RPS6KC1: variants seen among roughly 807,000 people sequenced by gnomAD.
The protein encoded by RPS6KC1 is ribosomal protein S6 kinase C1, also known as inactive ribosomal protein S6 kinase delta-1.
In RPS6KC1, 54 loss-of-function variants were observed where a neutral mutation model predicts 103.8. The ratio of observed to expected loss-of-function variants is 0.52; its 90% confidence interval spans 0.42 to 0.65. The LOEUF is 0.65. Ranked by LOEUF, RPS6KC1 falls within the 30% of genes least tolerant of loss-of-function variation. RPS6KC1 has a pLI of 0.00. For missense variants in RPS6KC1, 1,151 were observed against 1,253.8 expected (o/e 0.92, Z 1.24); for synonymous variants, 439 against 438.7 (o/e 1.00, Z -0.01).
chr1:213,151,103 G>T (rs569344367), intron 6 of RPS6KC1, among the ~76,000 whole-genome samples: 5 of 144,998 alleles, frequency 3.4e-5, no homozygotes, highest in Non-Finnish European at 7.6e-5. Flanking sequence ...CGGATGGGGG[G>T]GCTGGCTGGG....
intron 12 of RPS6KC1, among the ~76,000 whole-genome samples, chr1:213,259,715 T>C (rs1225409177): frequency 1.3e-5 from 2 of 151,364 alleles, no homozygotes; most frequent in African/African-American, 4.8e-5. Flanking sequence ...CTTAAGTATA[T>C]GTAGGTGTTG....
At chr1:213,831,905 G>A in the RPS6KC1 span, among the ~76,000 whole-genome samples, 11 of 152,240 alleles carry the variant, frequency 7.2e-5, no homozygotes, top group South Asian at 8.3e-4. Context: ...CTTCCTCTGC[G>A]CTAGGTCCTT....
chr1:213,163,066 A>C (rs1484292290), intron 6 of RPS6KC1, among the ~76,000 whole-genome samples: 1 of 152,228 alleles, frequency 6.6e-6, no homozygotes, highest in African/African-American at 2.4e-5. Flanking sequence ...ATAAGGCAGA[A>C]ATGGTAGGCT....
the RPS6KC1 span, among the ~76,000 whole-genome samples, chr1:213,744,556 C>CT: frequency 2.0e-5 from 3 of 152,162 alleles, no homozygotes; most frequent in African/African-American, 7.2e-5. Flanking sequence ...GCTGTGTAGC[C>CT]TTTTTTTGTT....
At chr1:213,375,195 A>T in the RPS6KC1 span, among the ~76,000 whole-genome samples, 2 of 152,112 alleles carry the variant, frequency 1.3e-5, no homozygotes, top group East Asian at 3.9e-4. Context: ...ATGTACATAC[A>T]CATATACACA....
chr1:213,678,115 C>A, the RPS6KC1 span, among the ~76,000 whole-genome samples: 1 of 152,114 alleles, frequency 6.6e-6, no homozygotes, highest in Non-Finnish European at 1.5e-5. Context: ...GGCTATCAAC[C>A]ATTTTTTGCT....
intron 8 of RPS6KC1, among the ~76,000 whole-genome samples, chr1:213,203,932 G>A (rs1048348473): frequency 2.0e-5 from 3 of 152,150 alleles, no homozygotes; most frequent in Non-Finnish European, 4.4e-5. Context: ...ATTTCTGAGA[G>A]CATGGTCTCA....
At position 213,129,711 on chromosome 1, in the gene RPS6KC1, A is replaced by G; in HGVS notation, c.657A>G (p.Glu219=). ...GTGAACAGAGCAAAACAGAAGAAGA[A>G]CGGGAAAGTCGTAGCCTCTTTCCTG... ...SDSEQSKTEE[E]RESRSLFPGS... The change falls in exon 6 of 15, where the codon GAA becomes GAG. Residue 219 remains glutamate (E), a synonymous_variant. Coordinates refer to ENST00000366960, the MANE Select transcript of RPS6KC1 (RefSeq NM_012424.6). 6.2e-7 allele frequency: 1 copy of G among 1,614,096 alleles called. No homozygotes were observed. The highest frequency in any genetic ancestry group is 8.5e-7 in the Non-Finnish European group (1 of 1,179,982).
the RPS6KC1 span, among the ~76,000 whole-genome samples, chr1:213,846,028 C>T: frequency 4.0e-5 from 6 of 151,476 alleles, no homozygotes; most frequent in Non-Finnish European, 8.8e-5. Context: ...CGGGGTGGCT[C>T]ACACCCGTAA....
the RPS6KC1 span, among the ~76,000 whole-genome samples, chr1:213,493,843 T>A: frequency 6.6e-6 from 1 of 152,132 alleles, no homozygotes; most frequent in South Asian, 2.1e-4. Flanking sequence ...TAGAGAGAAG[T>A]GTGTGCTGGA....
At chr1:213,344,761 C>T in the RPS6KC1 span, among the ~76,000 whole-genome samples, 13 of 152,150 alleles carry the variant, frequency 8.5e-5, no homozygotes, top group South Asian at 6.2e-4. Flanking sequence ...TTTTGAACTC[C>T]GGACCTCAAG....
the RPS6KC1 span, among the ~76,000 whole-genome samples, chr1:213,363,703 C>CCTTCT: frequency 2.9e-4 from 5 of 17,394 alleles, no homozygotes; most frequent in Admixed American, 8.4e-4. Flanking sequence ...TCTTTCTTTC[C>CCTTCT]TTCTTTCTTT....
chr1:213,788,338 A>G, the RPS6KC1 span, among the ~76,000 whole-genome samples: 1 of 152,146 alleles, frequency 6.6e-6, no homozygotes, highest in South Asian at 2.1e-4. Context: ...AATTTTATTT[A>G]TCAAGCAGGC....
At chr1:213,341,736 A>G in the RPS6KC1 span, among the ~76,000 whole-genome samples, 341 of 152,310 alleles carry the variant, frequency 2.2e-3, 2 homozygotes, top group Non-Finnish European at 4.1e-3. Context: ...TGTCTCATGG[A>G]TAAGAAAATT....
chr1:213,675,360 G>A, the RPS6KC1 span, among the ~76,000 whole-genome samples: 1 of 152,164 alleles, frequency 6.6e-6, no homozygotes, highest in African/African-American at 2.4e-5. Flanking sequence ...GTCCAGAATG[G>A]TGTTTCTTAG....
At chr1:213,853,343 T>C in the RPS6KC1 span, among the ~76,000 whole-genome samples, 2 of 152,202 alleles carry the variant, frequency 1.3e-5, no homozygotes, top group African/African-American at 4.8e-5. Context: ...CTCTGGACCA[T>C]GAGCGCCTGA....
chr1:213,437,523 CT>C, the RPS6KC1 span, among the ~76,000 whole-genome samples: 1 of 151,932 alleles, frequency 6.6e-6, no homozygotes, highest in Non-Finnish European at 1.5e-5. Flanking sequence ...ACATTATAAG[CT>C]TCAAAAAGTT....
chr1:213,553,746 C>T, the RPS6KC1 span, among the ~76,000 whole-genome samples: 1 of 152,022 alleles, frequency 6.6e-6, no homozygotes, highest in Non-Finnish European at 1.5e-5. Context: ...GATACTATCT[C>T]ATTGTGGTTT....
chr1:213,087,424 A>G lies in RPS6KC1; in HGVS notation c.262+9608A>G, dbSNP rs1001094451. Among the ~76,000 whole-genome samples the G allele has an allele frequency of 2.6e-5, 4 of 152,164 alleles. No homozygotes were observed. In the East Asian group the frequency reaches 5.8e-4, roughly 22 times the overall value. On this transcript the variant is annotated intron_variant, in intron 3 of 14. Transcript: ENST00000366960. ...TCCTGGGGCTCTTACAGTGATAATT[A>G]TTGGTTCTAAGAGGCTGTGCCAGTT...
Sources: gnomAD v4.1 joint callset for allele counts (sites outside exome capture counted in the v4.1 genomes callset) on GRCh38, gnomAD v4.1.1 for gene constraint, MANE v1.5 for transcripts, NCBI Gene and HGNC (gene_info 2026-07-23, HGNC 2026-07-21) for gene names.